The following TPM2 variants were observed in gnomAD, a reference collection of about 807,000 sequenced individuals.
The protein encoded by TPM2 is tropomyosin beta chain.
Under a neutral mutation model 41.0 loss-of-function variants are expected in TPM2, and 26 were observed. The ratio of observed to expected loss-of-function variants is 0.63; its 90% CI spans 0.46 to 0.88. The LOEUF (loss-of-function observed/expected upper bound fraction) is 0.88. Ranked by LOEUF, TPM2 falls within the 40% of genes least tolerant of loss-of-function variation. The probability of loss-of-function intolerance (pLI) is 0.00; values close to 1 mark genes in which losing one functional copy is unlikely to be tolerated. For synonymous variants in TPM2, 143 were observed against 139.3 expected (o/e 1.03, Z -0.19); for missense variants, 187 against 355.2 (o/e 0.53, Z 3.81).
intron 8 of TPM2, 199 bp downstream of exon 8, chr9:35,684,047 T>C (rs1724359111): frequency 3.2e-6 from 2 of 616,460 alleles, no homozygotes; most frequent in Admixed American, 2.6e-5. Context: ...ATGCTGAAGT[T>C]TGAGAAGCAC....
Position 35,685,902 on chromosome 9 carries a change from C to G in TPM2, c.241-122G>C. On this transcript the variant is annotated intron_variant, in intron 2 of 8. Coordinates refer to ENST00000645482, the MANE Select transcript of TPM2 (RefSeq NM_003289.4). The surrounding 1 kb of genome is among the most constrained non-coding windows in gnomAD (Gnocchi z 5.0). Reference sequence around the variant, plus strand: ...TGAGGCTTCCTGGTTTCTAGACATTCTATGTGATTTTTCCCCAACCAATCA... The same window carrying G: ...TGAGGCTTCCTGGTTTCTAGACATTGTATGTGATTTTTCCCCAACCAATCA... 1 of 1,514,166 alleles carries G rather than the reference C, an allele frequency of 6.6e-7. No individual in the cohort carries two copies. The highest frequency in any genetic ancestry group is 9.1e-7 in the Non-Finnish European group (1 of 1,103,870). 93.8% of individuals were successfully genotyped at this position (1,514,166 alleles called of 1,614,324 possible).
downstream of TPM2, chr9:35,682,153 G>C: frequency 6.2e-7 from 1 of 1,614,166 alleles, no homozygotes; most frequent in Non-Finnish European, 8.5e-7. Flanking sequence ...CCTTGGCACT[G>C]GCCAAGGTCT....
intron 2 of TPM2, among the ~76,000 whole-genome samples, chr9:35,688,385 G>T (rs986038753): frequency 6.6e-6 from 1 of 152,240 alleles, no homozygotes; most frequent in Admixed American, 6.5e-5. Context: ...CTGAGGCAGA[G>T]AATGGGGAAA....
chr9:35,682,059 T>C (rs766191264), downstream of TPM2: 1 of 1,613,926 alleles, frequency 6.2e-7, no homozygotes, highest in East Asian at 2.2e-5. Flanking sequence ...AACCATAGCC[T>C]GGCTGGGGGT....
chr9:35,686,445 AGGTAAG>A (rs1318045169), intron 2 of TPM2: 1 of 155,546 alleles, frequency 6.4e-6, no homozygotes, highest in Non-Finnish European at 1.4e-5. Flanking sequence ...AGCCTGGCCC[AGGTAAG>A]GGGATGGGAG....
chr9:35,689,539 G>A, intron 1 of TPM2, 165 bp downstream of exon 1: 1 of 858,922 alleles, frequency 1.2e-6, no homozygotes, highest in Non-Finnish European at 1.4e-6. Context: ...TTGTAGGGGA[G>A]AGAAGCGGCT....
downstream of TPM2, chr9:35,682,886 G>A (rs1429553790): frequency 3.4e-6 from 5 of 1,474,602 alleles, no homozygotes; most frequent in East Asian, 5.6e-5. Context: ...GTGCTCCGTG[G>A]TGGCGATAGA....
Position 35,685,262 on chromosome 9 carries a change from T to A in TPM2, c.563+7A>T. The A allele has an allele frequency of 1.9e-6, 3 of 1,614,178 alleles. No homozygotes were observed. Among genetic ancestry groups the A allele is most frequent in the Non-Finnish European group, 2.5e-6 (3 of 1,180,024 alleles). ...TGGGCTCACTTGTCACCCCCGGGTA[T>A]CTTTACCTCTCGGCCACCTCAGCCC... On this transcript the variant is annotated splice_region_variant and intron_variant, in intron 5 of 8. Transcript: ENST00000645482. This position sits in a 1 kb window ranked among gnomAD's most constrained non-coding sequence, Gnocchi z 5.0.
Position 35,685,322 on chromosome 9 carries a change from C to A in TPM2, c.510G>T (p.Val170=), listed in dbSNP as rs772923282. 1.2e-6 allele frequency: 2 copies of A among 1,614,230 alleles called. No individual in the cohort carries two copies. The highest frequency in any genetic ancestry group is 2.2e-5 in the South Asian group (2 of 91,082). The change falls in exon 5 of 9, where the codon GTG becomes GTT. Residue 170 remains valine (V), a synonymous_variant. Coordinates refer to ENST00000645482, the MANE Select transcript of TPM2 (RefSeq NM_003289.4). This position sits in a 1 kb window ranked among gnomAD's most constrained non-coding sequence, Gnocchi z 5.0. ...AGCGCTCCAGCTCTCCTTCCAGGAT[C>A]ACCAGCTTCCTGGCCACCTGTGGGG... The part of the protein sequence containing the change: ...RKYEEVARKL[V]ILEGELERSE...
At chr9:35,682,421 C>T (rs1326899962), downstream of TPM2, 4 of 1,270,900 alleles carry the variant, frequency 3.1e-6, no homozygotes, top group Non-Finnish European at 4.2e-6. Flanking sequence ...ACTACTTTAT[C>T]CTCTTCTTTA....
intron 2 of TPM2, among the ~76,000 whole-genome samples, chr9:35,688,481 G>C (rs1358865139): frequency 6.6e-6 from 1 of 152,220 alleles, no homozygotes; most frequent in Non-Finnish European, 1.5e-5. Context: ...GGTTGGGGTT[G>C]TGGGGTGGGC....
intron 5 of TPM2, 24 bp from the exon 6 acceptor site, chr9:35,684,831 G>GC: frequency 1.9e-6 from 3 of 1,613,680 alleles, no homozygotes; most frequent in Non-Finnish European, 2.5e-6. Context: ...GTGGCGGGGG[G>GC]GGCAGGGTGT....
In TPM2 at chr9:35,683,381, G is replaced by A. The variant is rs141337031; in HGVS notation, c.773-140C>T. 9,382 of 828,386 alleles carry A rather than the reference G, an allele frequency of 0.011. 72 individuals are homozygous for A. Among genetic ancestry groups the A allele is most frequent in the Non-Finnish European group, 0.015 (7,454 of 513,572 alleles). The allele number at this position is 828,386 out of a possible 1,614,324, so 51.3% of individuals were successfully genotyped here. On this transcript the variant is annotated intron_variant, in intron 8 of 8. Transcript: ENST00000645482. The stretch of plus-strand genomic sequence containing the variant: ...GACAGAGTGAGAGAGGGAGGCCAGG[G>A]AACAGGCTGGACAGCTGTCAGGAAC...
At position 35,685,841 on chromosome 9, in the gene TPM2, G is replaced by T. The variant is rs1241616520; in HGVS notation, c.241-61C>A. ...TTAGCCTTGGATAAGGATCAGAGAG[G>T]CTCCAGAGGATGGCGAGATTCTTCT... On this transcript the variant is annotated intron_variant, in intron 2 of 8. Coordinates refer to ENST00000645482, the MANE Select transcript of TPM2 (RefSeq NM_003289.4). This position sits in a 1 kb window ranked among gnomAD's most constrained non-coding sequence, Gnocchi z 5.0. The T allele has an allele frequency of 1.9e-6, 3 of 1,611,950 alleles. No individual in the cohort carries two copies. The highest frequency in any genetic ancestry group is 2.5e-6 in the Non-Finnish European group (3 of 1,179,382).
At chr9:35,688,513 AC>A (rs1450687044) in intron 2 of TPM2, among the ~76,000 whole-genome samples, 1 of 152,042 alleles carries the variant, frequency 6.6e-6, no homozygotes. Context: ...AGGGTAAATG[AC>A]CTGCCAAGGT....
rs2131866306 is a variant in TPM2 at position 35,689,890 on chromosome 9, T to C, written c.-73A>G. On this transcript the variant is annotated 5_prime_UTR_variant, in exon 1 of 9. Transcript: ENST00000645482. ...GACTGGGCTGGGTGAGCGGACTGGG[T>C]GCACCGGTGGCAGGCGAGGAGGACG... 2.5e-6 allele frequency: 4 copies of C among 1,608,076 alleles called. No individual in the cohort carries two copies. Among genetic ancestry groups the C allele is most frequent in the South Asian group, 1.1e-5 (1 of 90,954 alleles).
rs1305127589 is a variant in TPM2, at chr9:35,685,984, C to G, written c.241-204G>C. On this transcript the variant is annotated intron_variant, in intron 2 of 8. Coordinates refer to ENST00000645482, the MANE Select transcript of TPM2 (RefSeq NM_003289.4). This position sits in a 1 kb window ranked among gnomAD's most constrained non-coding sequence, Gnocchi z 5.0. ...TGTGCATTCAGGCCGGGCATGGTGG[C>G]TCACGCCTGTAATCCCCGCACTCTG... is the stretch of plus-strand genomic sequence containing the variant. Among the ~76,000 whole-genome samples the G allele has an allele frequency of 6.6e-6, 1 of 152,250 alleles. No homozygotes were observed. The highest frequency in any genetic ancestry group is 1.9e-4 in the East Asian group (1 of 5,198).
chr9:35,687,717 G>A (rs920483143), intron 2 of TPM2, among the ~76,000 whole-genome samples: 3 of 152,110 alleles, frequency 2.0e-5, no homozygotes, highest in African/African-American at 7.2e-5. Flanking sequence ...GGACATTGGA[G>A]TACTACCCTA....
Position 35,689,209 on chromosome 9 carries a change from C to T in TPM2, c.177G>A (p.Lys59=), listed in dbSNP as rs1161169979. Residue 59 remains lysine (K), a synonymous_variant, in exon 2 of 9, where the codon AAG becomes AAA. Coordinates refer to ENST00000645482, the MANE Select transcript of TPM2 (RefSeq NM_003289.4). ...GGGCCTCCTTCACGGATTCAGAATA[C>T]TTTTCCACCTCATCCTCTGTCCCCT... ...KLKGTEDEVE[K]YSESVKEAQE... is the part of the protein sequence containing the mutation. 3 of 1,614,230 alleles carry T rather than the reference C, an allele frequency of 1.9e-6. No individual in the cohort carries two copies. The Admixed American group carries it at 5.0e-5, about 27-fold the overall frequency.
Sources: allele counts gnomAD v4.1 joint callset (sites outside exome capture counted in the v4.1 genomes callset), GRCh38; gene constraint gnomAD v4.1.1; non-coding constraint Gnocchi (gnomAD v3.1); transcripts MANE v1.5; gene names NCBI Gene and HGNC (gene_info 2026-07-23, HGNC 2026-07-21).